SMG6: variants seen among roughly 807,000 people sequenced by gnomAD.
SMG6 encodes SMG6 nonsense mediated mRNA decay factor.
Under a neutral mutation model 142.2 loss-of-function variants are expected in SMG6, and 66 were observed. That is an observed-to-expected ratio of 0.46 (90% CI 0.38 to 0.57). The LOEUF (loss-of-function observed/expected upper bound fraction) is 0.57, where lower values mean the gene tolerates loss of function less well. Among genes scored for constraint, SMG6 ranks in the 20% least tolerant of loss-of-function variants. The pLI is 0.00. For missense variants in SMG6, 1,793 were observed against 1,832.0 expected (o/e 0.98, Z 0.39); for synonymous variants, 779 against 702.4 (o/e 1.11, Z -1.72).
intron 10 of SMG6, among the ~76,000 whole-genome samples, chr17:2,201,559 G>A (rs887401358): frequency 2.0e-5 from 3 of 151,468 alleles, no homozygotes; most frequent in Non-Finnish European, 4.4e-5. Flanking sequence ...TGGGCGTGGT[G>A]GCAGGCACTG....
In SMG6 at chr17:2,065,683, A is replaced by G. The variant is rs529257718; in HGVS notation, c.3836-4T>C. 1.2e-5 allele frequency: 20 copies of G among 1,610,204 alleles called. No homozygotes were observed. In the African/African-American group the frequency reaches 2.4e-4, roughly 19 times the overall value. The stretch of plus-strand genomic sequence containing the variant: ...AGGCCGTCCAGCTCATTGATCACTG[A>G]TGAGATAGAGCCCCACAAGGTATCA... On this transcript the variant is annotated splice_polypyrimidine_tract_variant and splice_region_variant and intron_variant, in intron 16 of 18. Coordinates refer to ENST00000263073, the MANE Select transcript of SMG6 (RefSeq NM_017575.5).
At chr17:2,131,036 G>C (rs2151546650) in intron 13 of SMG6, among the ~76,000 whole-genome samples, 1 of 152,194 alleles carries the variant, frequency 6.6e-6, no homozygotes, top group African/African-American at 2.4e-5. Flanking sequence ...CTCCTGCACA[G>C]AGATAAAAGT....
Position 2,300,003 on chromosome 17 carries a change from T to TC in SMG6, c.749dup (p.Arg251LysfsTer19). On this transcript the variant is annotated frameshift_variant, in exon 2 of 19. Coordinates refer to ENST00000263073, the MANE Select transcript of SMG6 (RefSeq NM_017575.5). LOFTEE classifies it high-confidence loss of function. ...TGCTGCGCGTGCGGTAGCGATTCCT[T>TC]CGTTTGTCTGAGCGGGAGTAGCGCT... 6.2e-7 allele frequency: 1 copy of TC among 1,614,120 alleles called. No individual in the cohort carries two copies.
chr17:2,117,710 C>T (rs963594488), intron 13 of SMG6: 1 of 152,012 alleles, frequency 6.6e-6, no homozygotes, highest in South Asian at 2.1e-4. Context: ...AAAACTGATA[C>T]GTAAATTAAA....
chr17:2,171,906 A>G (rs1187141590), intron 13 of SMG6, among the ~76,000 whole-genome samples: 1 of 152,038 alleles, frequency 6.6e-6, no homozygotes, highest in African/African-American at 2.4e-5. Flanking sequence ...GCCTCCACAC[A>G]GCACTTCGCT....
At chr17:2,135,363 A>G (rs2151557932) in intron 13 of SMG6, among the ~76,000 whole-genome samples, 1 of 152,314 alleles carries the variant, frequency 6.6e-6, no homozygotes, top group South Asian at 2.1e-4. Flanking sequence ...ATTTTGAAAT[A>G]TACATTATTC....
At chr17:2,086,134 T>C (rs78801578) in intron 13 of SMG6, among the ~76,000 whole-genome samples, 9,607 of 152,222 alleles carry the variant, frequency 0.063, 438 homozygotes, top group Non-Finnish European at 0.096. Context: ...AGGTTATCTC[T>C]GGGGCAGCAG....
At chr17:2,173,008 A>G in intron 12 of SMG6, 149 bp from the exon 13 acceptor site, 1 of 733,458 alleles carries the variant, frequency 1.4e-6, no homozygotes, top group South Asian at 1.8e-5. Flanking sequence ...ATGCTAGGAA[A>G]CAAAACTGTG....
chr17:2,179,312 C>T (rs538477129), intron 12 of SMG6, among the ~76,000 whole-genome samples: 1 of 152,100 alleles, frequency 6.6e-6, no homozygotes, highest in Non-Finnish European at 1.5e-5. Flanking sequence ...TGAAGGGGTG[C>T]CGATTAGCCT....
At position 2,181,788 on chromosome 17, in the gene SMG6, C is replaced by T. The variant is rs553944895; in HGVS notation, c.3155+4875G>A. On this transcript the variant is annotated intron_variant, in intron 12 of 18. Coordinates refer to ENST00000263073, the MANE Select transcript of SMG6 (RefSeq NM_017575.5). ...CCAAAGATGGGCAGCAGCTCAGAGC[C>T]GGCAACGGGCCATTTGCTGCAGCAT... Among the ~76,000 whole-genome samples, 11 of 152,318 alleles carry T rather than the reference C, an allele frequency of 7.2e-5. No homozygotes were observed. In the East Asian group the frequency reaches 1.5e-3, roughly 21 times the overall value.
In SMG6 at chr17:2,158,892, A is replaced by G. The variant is rs2071089290; in HGVS notation, c.3357+13766T>C. On this transcript the variant is annotated intron_variant, in intron 13 of 18. Coordinates refer to ENST00000263073, the MANE Select transcript of SMG6 (RefSeq NM_017575.5). ...AAAAAAAAAAAGTTTGCTGTTCAAGACTATGTTTAAAAAAAAAAAAAAAAG... is the reference window on the plus strand; with the variant it reads ...AAAAAAAAAAAGTTTGCTGTTCAAGGCTATGTTTAAAAAAAAAAAAAAAAG... Among the ~76,000 whole-genome samples the G allele has an allele frequency of 2.8e-5, 4 of 144,882 alleles. No individual in the cohort carries two copies. In the South Asian group the frequency reaches 8.5e-4, roughly 31 times the overall value.
At chr17:2,155,578 C>T (rs947928448) in intron 13 of SMG6, among the ~76,000 whole-genome samples, 1 of 152,088 alleles carries the variant, frequency 6.6e-6, no homozygotes, top group African/African-American at 2.4e-5. Context: ...TACAGCAGTA[C>T]CCAGAAAGCT....
chr17:2,068,915 T>A lies in SMG6; in HGVS notation c.3698A>T (p.His1233Leu). Residue 1233 changes from histidine to leucine, a missense_variant, in exon 16 of 19, where the codon CAC (histidine) becomes CTC (leucine). Coordinates refer to ENST00000263073, the MANE Select transcript of SMG6 (RefSeq NM_017575.5). The surrounding 1 kb of genome is among the most constrained non-coding windows in gnomAD (Gnocchi z 6.7). ...GAGCTCCATCTGCCTCATCTGACTG[T>A]GGTCCTCCAGGACAGCCTATGGGGA... The part of the protein sequence containing the change: ...QEKIQAVLED[H>L]SQMRQMELEI... 6.2e-7 allele frequency: 1 copy of A among 1,614,202 alleles called. No homozygotes were observed. The highest frequency in any genetic ancestry group is 8.5e-7 in the Non-Finnish European group (1 of 1,180,034).
chr17:2,279,366 G>T (rs1173310908), intron 8 of SMG6, among the ~76,000 whole-genome samples: 1 of 152,232 alleles, frequency 6.6e-6, no homozygotes, highest in Non-Finnish European at 1.5e-5. Flanking sequence ...GCAGGAGCCA[G>T]ATCATGAGGA....
intron 13 of SMG6, among the ~76,000 whole-genome samples, chr17:2,138,388 G>C (rs1188616497): frequency 6.6e-6 from 1 of 152,140 alleles, no homozygotes; most frequent in African/African-American, 2.4e-5. Flanking sequence ...AAGTTTGCTG[G>C]TTCTCAGCTG....
At chr17:2,166,999 G>A (rs558606566) in intron 13 of SMG6, among the ~76,000 whole-genome samples, 8 of 151,918 alleles carry the variant, frequency 5.3e-5, no homozygotes, top group East Asian at 1.9e-4. Context: ...GTGGCAGCGC[G>A]TGCCCCTGTA....
chr17:2,157,831 G>C (rs1330419281), intron 13 of SMG6, among the ~76,000 whole-genome samples: 1 of 152,150 alleles, frequency 6.6e-6, no homozygotes, highest in Non-Finnish European at 1.5e-5. Context: ...TGGCTGATTT[G>C]TAACCTGTAT....
intron 2 of SMG6, among the ~76,000 whole-genome samples, 151 bp downstream of exon 2, chr17:2,298,750 CTTCTG>C: frequency 6.6e-6 from 1 of 151,098 alleles, no homozygotes; most frequent in South Asian, 2.1e-4. Flanking sequence ...AGAAATAAAA[CTTCTG>C]TTCTGTTTCC....
intron 10 of SMG6, among the ~76,000 whole-genome samples, chr17:2,224,716 A>AAACC (rs34427018): frequency 0.035 from 5,374 of 152,004 alleles, 105 homozygotes; most frequent in Middle Eastern, 0.072. Context: ...ACTGATAGGA[A>AAACC]AACCAACCAA....
Sources: gnomAD v4.1 joint callset for allele counts (sites outside exome capture counted in the v4.1 genomes callset) on GRCh38, gnomAD v4.1.1 for gene constraint, Gnocchi (gnomAD v3.1) non-coding constraint, MANE v1.5 for transcripts, NCBI Gene and HGNC (gene_info 2026-07-23, HGNC 2026-07-21) for gene names.